Variants in HMGB1 observed in about 807,000 individuals in gnomAD.
HMGB1 encodes high mobility group protein B1.
For missense variants in HMGB1, 79 were observed against 253.5 expected (o/e 0.31, Z 4.67); for synonymous variants, 81 against 84.0 (o/e 0.96, Z 0.19).
chr13:30,470,090 T>C (rs962584433), upstream of HMGB1, among the ~76,000 whole-genome samples: 27 of 152,128 alleles, frequency 1.8e-4, no homozygotes, highest in Admixed American at 1.4e-3. Context: ...GGCTATTTTT[T>C]TTTTTGTAGA....
At chr13:30,500,785 A>G (rs1228791950) in intron 1 of HMGB1, among the ~76,000 whole-genome samples, 1 of 146,648 alleles carries the variant, frequency 6.8e-6, no homozygotes, top group Non-Finnish European at 1.5e-5. Flanking sequence ...GTGCAATGGC[A>G]TGATCTTGGC....
intron 1 of HMGB1, among the ~76,000 whole-genome samples, chr13:30,578,368 CTTTTTTTTTTTTTTT>C (rs60947686): frequency 8.8e-4 from 52 of 59,322 alleles, no homozygotes; most frequent in Admixed American, 7.3e-3. Flanking sequence ...AGTTCTTGTT[CTTTTTTTTTTTTTTT>C]TTTTTTTTTT....
intron 1 of HMGB1, among the ~76,000 whole-genome samples, chr13:30,534,258 T>TC (rs1316552020): frequency 1.3e-5 from 2 of 152,174 alleles, no homozygotes; most frequent in Non-Finnish European, 2.9e-5. Flanking sequence ...TGGTCCCATT[T>TC]CCCCTGCTCA....
intron 1 of HMGB1, among the ~76,000 whole-genome samples, chr13:30,569,311 CAACT>C (rs1566028101): frequency 1.3e-5 from 2 of 152,194 alleles, no homozygotes; most frequent in Admixed American, 6.5e-5. Flanking sequence ...CTCTTTCCAC[CAACT>C]GTGTACTGTT....
At chr13:30,506,307 A>G (rs1347442111) in intron 1 of HMGB1, among the ~76,000 whole-genome samples, 1 of 152,166 alleles carries the variant, frequency 6.6e-6, no homozygotes, top group South Asian at 2.1e-4. Flanking sequence ...ACTGAAGGGC[A>G]TATTCTCCTC....
At chr13:30,604,487 G>A (rs761932923) in intron 1 of HMGB1, among the ~76,000 whole-genome samples, 10 of 152,142 alleles carry the variant, frequency 6.6e-5, no homozygotes, top group Non-Finnish European at 1.5e-4. Flanking sequence ...AGAAGCTAGG[G>A]ATGCTACTAA....
chr13:30,508,407 G>A (rs1290399217), intron 1 of HMGB1, among the ~76,000 whole-genome samples: 1 of 152,140 alleles, frequency 6.6e-6, no homozygotes, highest in Admixed American at 6.5e-5. Flanking sequence ...AGCTACTCGG[G>A]AGGCTGAGGC....
chr13:30,490,026 C>CA (rs780306690), intron 1 of HMGB1, among the ~76,000 whole-genome samples: 17,755 of 65,080 alleles, frequency 0.27, 2,018 homozygotes, highest in Non-Finnish European at 0.36. Flanking sequence ...GCGCTGGTCT[C>CA]AAAAAAAAAA....
chr13:30,477,637 T>G (rs371118176), intron 1 of HMGB1, among the ~76,000 whole-genome samples: 1 of 152,210 alleles, frequency 6.6e-6, no homozygotes, highest in East Asian at 1.9e-4. Context: ...GGCCAGAGAA[T>G]GCCAGGAAAT....
chr13:30,538,162 G>T (rs1180199719), intron 1 of HMGB1, among the ~76,000 whole-genome samples: 2 of 152,198 alleles, frequency 1.3e-5, no homozygotes, highest in Middle Eastern at 3.2e-3. Flanking sequence ...CTTACAGGAC[G>T]TTGTTGAAAA....
intron 1 of HMGB1, among the ~76,000 whole-genome samples, chr13:30,490,818 A>C (rs997585674): frequency 6.6e-6 from 1 of 151,848 alleles, no homozygotes; most frequent in African/African-American, 2.4e-5. Context: ...TGCAAACTTG[A>C]TGTTGGTAGG....
intron 1 of HMGB1, among the ~76,000 whole-genome samples, chr13:30,550,673 G>T (rs574065161): frequency 1.3e-5 from 2 of 152,236 alleles, no homozygotes; most frequent in South Asian, 4.1e-4. Context: ...CAATATCTAG[G>T]TGAGCTTGGC....
chr13:30,465,692 G>A, intron 1 of HMGB1, 104 bp downstream of exon 1: 1 of 505,510 alleles, frequency 2.0e-6, no homozygotes, highest in Non-Finnish European at 2.6e-6. Flanking sequence ...TTGCCTTTGT[G>A]TGGATCCTGA....
intron 1 of HMGB1, among the ~76,000 whole-genome samples, chr13:30,571,184 T>C (rs1307882659): frequency 6.6e-6 from 1 of 152,218 alleles, no homozygotes; most frequent in African/African-American, 2.4e-5. Flanking sequence ...TTATTCTGTA[T>C]TGTTTTATTT....
chr13:30,581,358 G>C (rs1208891818), intron 1 of HMGB1, among the ~76,000 whole-genome samples: 16 of 152,180 alleles, frequency 1.1e-4, no homozygotes. Flanking sequence ...ACAAAGGCTA[G>C]AGAAGGGGAT....
chr13:30,545,313 T>C (rs1869097384), intron 1 of HMGB1, among the ~76,000 whole-genome samples: 1 of 151,822 alleles, frequency 6.6e-6, no homozygotes. Flanking sequence ...TGTGAGGGTG[T>C]TGTCACTGGG....
At chr13:30,494,003 TAA>T (rs560306711) in intron 1 of HMGB1, among the ~76,000 whole-genome samples, 2 of 146,950 alleles carry the variant, frequency 1.4e-5, no homozygotes, top group African/African-American at 5.0e-5. Flanking sequence ...TAGCCTTTAT[TAA>T]AAAAAAAAAC....
intron 1 of HMGB1, among the ~76,000 whole-genome samples, chr13:30,509,758 C>A (rs1887949429): frequency 6.6e-6 from 1 of 152,136 alleles, no homozygotes; most frequent in Non-Finnish European, 1.5e-5. Context: ...ATATATAATG[C>A]ACTGCTGTAT....
At chr13:30,612,849 C>T (rs74043519) in intron 1 of HMGB1, among the ~76,000 whole-genome samples, 33 of 152,304 alleles carry the variant, frequency 2.2e-4, no homozygotes, top group African/African-American at 1.2e-4. Flanking sequence ...ACTGGAAAAA[C>T]GTTCTGCTGC....
Sources: gnomAD v4.1 joint callset for allele counts (sites outside exome capture counted in the v4.1 genomes callset) on GRCh38, gnomAD v4.1.1 for gene constraint, MANE v1.5 for transcripts, NCBI Gene and HGNC (gene_info 2026-07-23, HGNC 2026-07-21) for gene names.